The following SLC35F3 variants were observed in gnomAD, a reference collection of about 807,000 sequenced individuals.
SLC35F3 encodes the protein solute carrier family 35 member F3, also known as putative thiamine transporter SLC35F3.
SLC35F3 carries 25 observed loss-of-function variants against 49.9 expected under a neutral mutation model. That is an observed-to-expected ratio of 0.50 (90% CI 0.37 to 0.70). The LOEUF is 0.70. SLC35F3 is among the 30% of genes least tolerant of loss of function. The pLI, the probability that SLC35F3 is intolerant of heterozygous loss-of-function variation, is 0.00. For missense variants in SLC35F3, 525 were observed against 639.8 expected (o/e 0.82, Z 1.94); for synonymous variants, 275 against 265.4 (o/e 1.04, Z -0.35).
At chr1:234,154,414 A>G (rs1278477944) in intron 2 of SLC35F3, among the ~76,000 whole-genome samples, 1 of 152,218 alleles carries the variant, frequency 6.6e-6, no homozygotes, top group African/African-American at 2.4e-5. Context: ...TGGCATACAA[A>G]TATTTCTTAG....
intron 3 of SLC35F3, among the ~76,000 whole-genome samples, chr1:234,272,065 G>A (rs914669418): frequency 6.6e-6 from 1 of 152,208 alleles, no homozygotes; most frequent in Non-Finnish European, 1.5e-5. Context: ...TGCAGAGGCT[G>A]TAGTGAGCCA....
intron 2 of SLC35F3, among the ~76,000 whole-genome samples, chr1:234,220,139 A>C (rs1014869231): frequency 6.6e-6 from 1 of 150,722 alleles, no homozygotes; most frequent in African/African-American, 2.5e-5. Flanking sequence ...AAAGACGGTC[A>C]TGGGCAGCAG....
intron 2 of SLC35F3, among the ~76,000 whole-genome samples, chr1:233,978,379 G>A (rs544583242): frequency 6.6e-6 from 1 of 152,326 alleles, no homozygotes; most frequent in East Asian, 1.9e-4. Flanking sequence ...ACTTCTTAAA[G>A]GCGTATGTAA....
chr1:233,996,918 C>T (rs1413290801), intron 2 of SLC35F3, among the ~76,000 whole-genome samples: 3 of 152,028 alleles, frequency 2.0e-5, no homozygotes, highest in African/African-American at 7.3e-5. Flanking sequence ...ACCCTGTGAC[C>T]CCCCACCCCT....
chr1:234,121,195 G>A (rs1665567098), intron 2 of SLC35F3, among the ~76,000 whole-genome samples: 2 of 140,140 alleles, frequency 1.4e-5, no homozygotes, highest in Admixed American at 8.0e-5. Context: ...GGACTGCAGT[G>A]GCGCAATCTT....
chr1:234,151,563 A>T (rs1666076426), intron 2 of SLC35F3, among the ~76,000 whole-genome samples: 1 of 152,028 alleles, frequency 6.6e-6, no homozygotes, highest in South Asian at 2.1e-4. Flanking sequence ...AATTAGCAAA[A>T]CTCAGAAATG....
At chr1:234,303,093 C>T (rs1350545144) in intron 3 of SLC35F3, among the ~76,000 whole-genome samples, 1 of 152,066 alleles carries the variant, frequency 6.6e-6, no homozygotes, top group Non-Finnish European at 1.5e-5. Context: ...TTCTATCTCA[C>T]CCTACCCTTT....
intron 2 of SLC35F3, among the ~76,000 whole-genome samples, chr1:234,160,131 G>A (rs1432478830): frequency 6.6e-6 from 1 of 152,134 alleles, no homozygotes; most frequent in East Asian, 1.9e-4. Context: ...CACCATATAG[G>A]CTAATGGCAA....
intron 3 of SLC35F3, among the ~76,000 whole-genome samples, chr1:234,250,221 A>G (rs185967891): frequency 4.0e-4 from 61 of 152,374 alleles, no homozygotes; most frequent in Admixed American, 3.9e-3. Flanking sequence ...ACTGGTGACT[A>G]TGATAGTTAG....
intron 2 of SLC35F3, among the ~76,000 whole-genome samples, chr1:233,963,095 G>T (rs150833699): frequency 3.9e-5 from 6 of 152,118 alleles, no homozygotes; most frequent in African/African-American, 1.4e-4. Context: ...TCCAGCCCTC[G>T]GTAGCTATCT....
At chr1:234,238,440 T>C (rs186643472) in intron 3 of SLC35F3, among the ~76,000 whole-genome samples, 1 of 152,300 alleles carries the variant, frequency 6.6e-6, no homozygotes, top group East Asian at 1.9e-4. Flanking sequence ...AAGACAACAC[T>C]TGCCATATTC....
chr1:234,024,326 T>C (rs1342170099), intron 2 of SLC35F3, among the ~76,000 whole-genome samples: 1 of 151,308 alleles, frequency 6.6e-6, no homozygotes, highest in East Asian at 1.9e-4. Flanking sequence ...AGAACAGGAG[T>C]GGGACCAGGC....
At chr1:234,039,605 G>T (rs1664191689) in intron 2 of SLC35F3, among the ~76,000 whole-genome samples, 1 of 152,170 alleles carries the variant, frequency 6.6e-6, no homozygotes, top group South Asian at 2.1e-4. Context: ...CAGTCACGGA[G>T]CTGTGTTTCA....
intron 2 of SLC35F3, among the ~76,000 whole-genome samples, chr1:234,123,147 T>G (rs990275439): frequency 3.2e-4 from 49 of 152,214 alleles, no homozygotes; most frequent in Admixed American, 1.0e-3. Flanking sequence ...CTTGATTTTT[T>G]AATAATCACC....
At chr1:234,013,539 C>T (rs1207129351) in intron 2 of SLC35F3, among the ~76,000 whole-genome samples, 1 of 148,284 alleles carries the variant, frequency 6.7e-6, no homozygotes, top group East Asian at 2.0e-4. Context: ...AAAAAAAAAA[C>T]AATGAAACTA....
chr1:234,035,904 T>C (rs1011971719), intron 2 of SLC35F3, among the ~76,000 whole-genome samples: 5 of 152,204 alleles, frequency 3.3e-5, no homozygotes, highest in Non-Finnish European at 5.9e-5. Context: ...TTTTTTCTGT[T>C]TGTTTCAGCT....
chr1:234,238,488 C>A (rs1490032345), intron 3 of SLC35F3, among the ~76,000 whole-genome samples: 1 of 152,208 alleles, frequency 6.6e-6, no homozygotes, highest in Non-Finnish European at 1.5e-5. Context: ...AGAACATCGT[C>A]CACATGCCCC....
intron 2 of SLC35F3, among the ~76,000 whole-genome samples, chr1:234,045,866 T>C (rs536954802): frequency 1.3e-5 from 2 of 152,156 alleles, no homozygotes; most frequent in East Asian, 3.8e-4. Flanking sequence ...TATATATTGT[T>C]GTGTATTTTT....
At position 234,266,193 on chromosome 1, in the gene SLC35F3, G is replaced by T. The variant is rs1437044478; in HGVS notation, c.608+34452G>T. ...CCTAGAGTAGTGCCTGGTGTAGAAT[G>T]AGCACTCCATTTCTCAAACAACTTA... On this transcript the variant is annotated intron_variant, in intron 3 of 7. Transcript: ENST00000366618. Among the ~76,000 whole-genome samples, 4 of 152,066 alleles carry T rather than the reference G, an allele frequency of 2.6e-5. No individual in the cohort carries two copies. In the East Asian group the frequency reaches 5.8e-4, roughly 22 times the overall value.
Sources: gnomAD v4.1 joint callset for allele counts (sites outside exome capture counted in the v4.1 genomes callset) on GRCh38, gnomAD v4.1.1 for gene constraint, MANE v1.5 for transcripts, NCBI Gene and HGNC (gene_info 2026-07-23, HGNC 2026-07-21) for gene names.